The following PCK2 variants were observed in gnomAD, a reference collection of about 807,000 sequenced individuals.
PCK2 encodes phosphoenolpyruvate carboxykinase 2, mitochondrial, also known as phosphoenolpyruvate carboxykinase [GTP], mitochondrial.
PCK2 carries 56 observed loss-of-function variants against 65.9 expected under a neutral mutation model. The observed-to-expected ratio is 0.85, with a 90% CI of 0.69 to 1.06. The LOEUF (loss-of-function observed/expected upper bound fraction) is 1.06. Among genes scored for constraint, PCK2 ranks in the 50% least tolerant of loss-of-function variants. The pLI, the probability that PCK2 is intolerant of heterozygous loss-of-function variation, is 0.00. For synonymous variants in PCK2, 305 were observed against 319.6 expected (o/e 0.95, Z 0.49); for missense variants, 843 against 863.1 (o/e 0.98, Z 0.29).
chr14:24,101,908 C>T (rs544175820), intron 7 of PCK2, among the ~76,000 whole-genome samples: 14 of 151,800 alleles, frequency 9.2e-5, no homozygotes, highest in African/African-American at 2.7e-4. Context: ...AGTGAGACTC[C>T]GTCTCATAAC....
intron 1 of PCK2, 25 bp from the exon 2 acceptor site, chr14:24,096,867 C>T (rs1030373190): frequency 6.2e-7 from 1 of 1,601,104 alleles, no homozygotes; most frequent in African/African-American, 1.3e-5. Context: ...CAGCAACTAG[C>T]TCATTGCCTC....
chr14:24,096,950 C>T lies in PCK2; in HGVS notation c.88C>T (p.Leu30=). ...GWPSCRSIQT[L]RVLSGDLGQL... ...GCCATCATGCCGTAGCATCCAGACC[C>T]TGCGAGTGCTTAGTGGAGATCTGGG... The change falls in exon 2 of 10, where the codon CTG becomes TTG. Residue 30 remains leucine (L), a synonymous_variant. Coordinates refer to ENST00000216780, the MANE Select transcript of PCK2 (RefSeq NM_004563.4). 1 of 1,613,650 alleles carries T rather than the reference C, an allele frequency of 6.2e-7. No individual in the cohort carries two copies. Among genetic ancestry groups the T allele is most frequent in the Non-Finnish European group, 8.5e-7 (1 of 1,179,644 alleles).
At position 24,098,637 on chromosome 14, in the gene PCK2, T is replaced by A. The variant is rs1271044230; in HGVS notation, c.623T>A (p.Val208Asp). The A allele has an allele frequency of 6.2e-7, 1 of 1,613,992 alleles. No homozygotes were observed. The highest frequency in any genetic ancestry group is 1.7e-5 in the Admixed American group (1 of 60,022). ...CAGGCCCTGGGAGATGGTGACTTTG[T>A]CAAGTGTCTGCACTCCGTGGGCCAG... ...VLQALGDGDF[V>D]KCLHSVGQPL... is the part of the protein sequence containing the mutation. Residue 208 changes from valine to aspartate, a missense_variant, in exon 4 of 10, where the codon GTC becomes GAC. Transcript: ENST00000216780.
At chr14:24,099,437 A>G in intron 5 of PCK2, 121 bp from the exon 6 acceptor site, 1 of 1,068,052 alleles carries the variant, frequency 9.4e-7, no homozygotes, top group Non-Finnish European at 1.3e-6. Context: ...TGGCAGGGCA[A>G]TCACTTATAT....
chr14:24,097,056 G>GA lies in PCK2; in HGVS notation c.196dup (p.Thr66AsnfsTer2). ...CCAGAGGGCATCCACATCTGTGATGGAACTGAGGCTGAGAATACTGCCACA... is the reference window on the plus strand; with the variant it reads ...CCAGAGGGCATCCACATCTGTGATGGAAACTGAGGCTGAGAATACTGCCACA... On this transcript the variant is annotated frameshift_variant, in exon 2 of 10. Transcript: ENST00000216780. LOFTEE classifies it high-confidence loss of function. 1 of 1,613,378 alleles carries GA rather than the reference G, an allele frequency of 6.2e-7. No homozygotes were observed. Among genetic ancestry groups the GA allele is most frequent in the Non-Finnish European group, 8.5e-7 (1 of 1,179,630 alleles).
intron 3 of PCK2, 29 bp downstream of exon 3, chr14:24,098,416 G>A: frequency 6.2e-7 from 1 of 1,611,548 alleles, no homozygotes; most frequent in East Asian, 2.2e-5. Context: ...CAGTGGCAAG[G>A]GCACGGAAGA....
In PCK2 at chr14:24,094,976, G is replaced by C; in HGVS notation, c.29+542G>C. 1.4e-6 allele frequency: 1 copy of C among 702,616 alleles called. No homozygotes were observed. The highest frequency in any genetic ancestry group is 1.5e-5 in the South Asian group (1 of 64,534). The allele number at this position is 702,616 out of a possible 1,614,324, so 43.5% of individuals were successfully genotyped here. On this transcript the variant is annotated intron_variant, in intron 1 of 9. Coordinates refer to ENST00000216780, the MANE Select transcript of PCK2 (RefSeq NM_004563.4). The surrounding 1 kb of genome is among the most constrained non-coding windows in gnomAD (Gnocchi z 4.1). ...AAGTCCAGAGCAGCCCGAGGGACCT[G>C]GGCCCAGGGGAGGGAGGCAAGCAAG...
chr14:24,098,661 A>G lies in PCK2; in HGVS notation c.647A>G (p.Gln216Arg), dbSNP rs569543145. ...DFVKCLHSVG[Q>R]PLTGQGEPVS... ...GTCAAGTGTCTGCACTCCGTGGGCC[A>G]GCCCCTGACAGGACAAGGTAAGCAC... The change falls in exon 4 of 10, where the codon CAG becomes CGG. Residue 216 changes from glutamine to arginine, a missense_variant. Physicochemically the swap from Gln to Arg is conservative, Grantham distance 43. Transcript: ENST00000216780. 6.2e-7 allele frequency: 1 copy of G among 1,613,838 alleles called. No individual in the cohort carries two copies. The highest frequency in any genetic ancestry group is 1.3e-5 in the African/African-American group (1 of 75,038).
Position 24,094,519 on chromosome 14 carries a change from A to G in PCK2, c.29+85A>G. Reference sequence around the variant, plus strand: ...CTGCCAGTGGCGCTCTCCTGCTCTCAGCCTCCGCCAGGTTTCCCATCCTAG... The same window carrying G: ...CTGCCAGTGGCGCTCTCCTGCTCTCGGCCTCCGCCAGGTTTCCCATCCTAG... On this transcript the variant is annotated intron_variant, in intron 1 of 9. Coordinates refer to ENST00000216780, the MANE Select transcript of PCK2 (RefSeq NM_004563.4). The surrounding 1 kb of genome is among the most constrained non-coding windows in gnomAD (Gnocchi z 4.1). 6.9e-7 allele frequency: 1 copy of G among 1,449,144 alleles called. No individual in the cohort carries two copies. The highest frequency in any genetic ancestry group is 2.1e-4 in the Middle Eastern group (1 of 4,858). The allele number at this position is 1,449,144 out of a possible 1,614,324, so 89.8% of individuals were successfully genotyped here.
chr14:24,098,277 G>A lies in PCK2; in HGVS notation c.350G>A (p.Arg117Gln), dbSNP rs749499634. 27 of 1,614,110 alleles carry A rather than the reference G, an allele frequency of 1.7e-5. No individual in the cohort carries two copies. The highest frequency in any genetic ancestry group is 1.6e-4 in the Middle Eastern group (1 of 6,062). ...ACGGTGATTGTAACTCCTTCTCAGC[G>A]GGACACGGTACCACTCCCGCCTGGT... ...SKTVIVTPSQ[R>Q]DTVPLPPGGA... The change falls in exon 3 of 10, where the codon CGG becomes CAG. Residue 117 changes from arginine (R) to glutamine (Q), a missense_variant. Physicochemically the swap from Arg to Gln is conservative, Grantham distance 43. Coordinates refer to ENST00000216780, the MANE Select transcript of PCK2 (RefSeq NM_004563.4).
In PCK2 at chr14:24,098,568, T is replaced by C; in HGVS notation, c.554T>C (p.Val185Ala). The change falls in exon 4 of 10, where the codon GTG becomes GCG. Residue 185 changes from valine (V) to alanine (A), a missense_variant. Transcript: ENST00000216780. Reference protein sequence around the residue: ...GVQLTDSAYVVASMRIMTRLG... With the variant: ...GVQLTDSAYVAASMRIMTRLG... The stretch of plus-strand genomic sequence containing the variant: ...CAGCTCACTGACTCAGCCTATGTGG[T>C]GGCAAGCATGCGTATTATGACCCGA... 1 of 1,614,178 alleles carries C rather than the reference T, an allele frequency of 6.2e-7. No individual in the cohort carries two copies. The highest frequency in any genetic ancestry group is 1.3e-5 in the African/African-American group (1 of 75,062).
rs759487430 is a variant in PCK2 at position 24,099,571 on chromosome 14, C to T, written c.866C>T (p.Thr289Ile). ...LAEHMLILGITSPAGKKRYVA... is the reference protein window; with the variant it reads ...LAEHMLILGIISPAGKKRYVA... ...CCCAATGCACAGATCCTGGGCATCA[C>T]CAGCCCTGCAGGGAAGAAGCGCTAT... Residue 289 changes from threonine (T) to isoleucine (I), a missense_variant, in exon 6 of 10, where the codon ACC (threonine) becomes ATC (isoleucine). By Grantham distance (89) the Thr-to-Ile change is moderately conservative. Coordinates refer to ENST00000216780, the MANE Select transcript of PCK2 (RefSeq NM_004563.4). The T allele has an allele frequency of 6.3e-7, 1 of 1,595,984 alleles. No homozygotes were observed. Among genetic ancestry groups the T allele is most frequent in the Non-Finnish European group, 8.5e-7 (1 of 1,170,586 alleles).
chr14:24,099,149 C>A lies in PCK2; in HGVS notation c.765C>A (p.Gly255=), dbSNP rs1401839142. The A allele has an allele frequency of 1.9e-6, 3 of 1,611,508 alleles. No individual in the cohort carries two copies. ...EIISFGSGYG[G]NSLLGKKCFA... ...TCTCCTTCGGCAGCGGCTATGGTGG[C>A]AACTCCCTGCTGGGCAAGAAGTGCT... The change falls in exon 5 of 10, where the codon GGC becomes GGA. Residue 255 remains glycine (G), a synonymous_variant. Transcript: ENST00000216780.
In PCK2 at chr14:24,103,491, CA is replaced by C. The variant is rs2037249610; in HGVS notation, c.1469-18del. On this transcript the variant is annotated intron_variant, in intron 9 of 9. Coordinates refer to ENST00000216780, the MANE Select transcript of PCK2 (RefSeq NM_004563.4). ...CCAGTGAGAAGGAAGATTCCTTACC[CA>C]TCTTGCTTCCCCCCCAGGGAAGATC... is the stretch of plus-strand genomic sequence containing the variant. The C allele has an allele frequency of 6.5e-7, 1 of 1,530,952 alleles. No individual in the cohort carries two copies. The highest frequency in any genetic ancestry group is 1.3e-5 in the South Asian group (1 of 77,378). 94.8% of individuals were successfully genotyped at this position (1,530,952 alleles called of 1,614,324 possible).
At chr14:24,099,315 C>A in intron 5 of PCK2, 79 bp downstream of exon 5, 2 of 1,362,898 alleles carry the variant, frequency 1.5e-6, no homozygotes, top group Non-Finnish European at 2.0e-6. Context: ...TCAGCCTCAC[C>A]TCCCTCCTGC....
chr14:24,099,138 G>C lies in PCK2; in HGVS notation c.754G>C (p.Gly252Arg). 1 of 1,611,976 alleles carries C rather than the reference G, an allele frequency of 6.2e-7. No individual in the cohort carries two copies. The highest frequency in any genetic ancestry group is 8.5e-7 in the Non-Finnish European group (1 of 1,179,738). Reference protein sequence around the residue: ...DQREIISFGSGYGGNSLLGKK... With the variant: ...DQREIISFGSRYGGNSLLGKK... ...GCGGGAGATCATCTCCTTCGGCAGC[G>C]GCTATGGTGGCAACTCCCTGCTGGG... The change falls in exon 5 of 10, where the codon GGC (glycine) becomes CGC (arginine). Residue 252 changes from glycine to arginine, a missense_variant. Gly to Arg is a moderately radical substitution (Grantham distance 125). Coordinates refer to ENST00000216780, the MANE Select transcript of PCK2 (RefSeq NM_004563.4).
chr14:24,098,423 A>G lies in PCK2; in HGVS notation c.460+36A>G, dbSNP rs761146441. 1.7e-5 allele frequency: 27 copies of G among 1,612,016 alleles called. 1 individual carries two copies. The South Asian group carries it at 3.0e-4, about 18-fold the overall frequency. On this transcript the variant is annotated intron_variant, in intron 3 of 9. Transcript: ENST00000216780. ...CAGGGGCACAGTGGCAAGGGCACGG[A>G]AGATGTGAACAGGTTTGGAACCCTT...
At chr14:24,097,727 G>A (rs1209535034) in intron 2 of PCK2, among the ~76,000 whole-genome samples, 1 of 151,914 alleles carries the variant, frequency 6.6e-6, no homozygotes, top group Non-Finnish European at 1.5e-5. Context: ...CGGAGTAGCT[G>A]GGATTACAAG....
In PCK2 at chr14:24,102,828, C is replaced by T; in HGVS notation, c.1310C>T (p.Ala437Val). ...CGCCAGTGCCCCATCATGGACCCAG[C>T]CTGGGAGGCCCCAGAGGGTGTCCCC... ...PARQCPIMDP[A>V]WEAPEGVPID... Residue 437 changes from alanine (A) to valine (V), a missense_variant, in exon 8 of 10, where the codon GCC (alanine) becomes GTC (valine). Physicochemically the swap from Ala to Val is moderately conservative, Grantham distance 64 (BLOSUM62 0). Transcript: ENST00000216780. 1 of 1,613,936 alleles carries T rather than the reference C, an allele frequency of 6.2e-7. No individual in the cohort carries two copies. Among genetic ancestry groups the T allele is most frequent in the African/African-American group, 1.3e-5 (1 of 75,062 alleles).
Sources: allele counts gnomAD v4.1 joint callset (sites outside exome capture counted in the v4.1 genomes callset), GRCh38; gene constraint gnomAD v4.1.1; non-coding constraint Gnocchi (gnomAD v3.1); transcripts MANE v1.5; gene names NCBI Gene and HGNC (gene_info 2026-07-23, HGNC 2026-07-21).